Variants in FAF1 observed in about 807,000 individuals in gnomAD.
The protein encoded by FAF1 is FAS-associated factor 1.
A neutral mutation model predicts 92.5 loss-of-function variants in FAF1; 25 were observed. That is an observed-to-expected ratio of 0.27 (90% CI 0.20 to 0.38). The LOEUF (loss-of-function observed/expected upper bound fraction) is 0.38, where lower values mean the gene tolerates loss of function less well. Ranked by LOEUF, FAF1 falls within the 10% of genes least tolerant of loss-of-function variation. The pLI, the probability that FAF1 is intolerant of heterozygous loss-of-function variation, is 1.00. For missense variants in FAF1, 636 were observed against 793.3 expected, an observed-to-expected ratio of 0.80 and a Z score of 2.38; for synonymous variants, 234 against 273.2, an observed-to-expected ratio of 0.86 and a Z score of 1.42.
At chr1:50,537,502 T>C (rs1648547381) in intron 14 of FAF1, among the ~76,000 whole-genome samples, 1 of 152,204 alleles carries the variant, frequency 6.6e-6, no homozygotes, top group African/African-American at 2.4e-5. Flanking sequence ...CAAAGAACTT[T>C]TGTTTATGTG....
chr1:50,736,354 T>C (rs1283482121), intron 6 of FAF1, among the ~76,000 whole-genome samples: 3 of 152,264 alleles, frequency 2.0e-5, no homozygotes, highest in Non-Finnish European at 4.4e-5. Context: ...TGATTCATTA[T>C]GAAGTCTAGT....
chr1:50,563,729 C>CCTG (rs1650039110), intron 13 of FAF1, among the ~76,000 whole-genome samples: 1 of 152,148 alleles, frequency 6.6e-6, no homozygotes. Flanking sequence ...CAGGAGATCA[C>CCTG]AATTTAGCAG....
intron 17 of FAF1, among the ~76,000 whole-genome samples, chr1:50,478,206 C>T (rs1646661476): frequency 6.6e-6 from 1 of 151,514 alleles, no homozygotes; most frequent in African/African-American, 2.4e-5. Flanking sequence ...CTCTGTCGCC[C>T]AGGCTGGAGT....
intron 6 of FAF1, among the ~76,000 whole-genome samples, chr1:50,738,191 C>T (rs1287611269): frequency 1.3e-5 from 2 of 152,060 alleles, no homozygotes; most frequent in African/African-American, 4.8e-5. Flanking sequence ...TGCCTGTAAT[C>T]CCAGCACTTT....
intron 1 of FAF1, among the ~76,000 whole-genome samples, chr1:50,877,579 T>C (rs1644581221): frequency 6.6e-6 from 1 of 152,114 alleles, no homozygotes; most frequent in Non-Finnish European, 1.5e-5. Flanking sequence ...AACCCTAATA[T>C]AGGTATAAAT....
At chr1:50,710,984 A>G (rs1364096912) in intron 6 of FAF1, among the ~76,000 whole-genome samples, 1 of 148,098 alleles carries the variant, frequency 6.8e-6, no homozygotes, top group Non-Finnish European at 1.5e-5. Flanking sequence ...ATCTCGGCTC[A>G]TTGCGACCTC....
chr1:50,952,148 C>A (rs1007723908), intron 1 of FAF1, among the ~76,000 whole-genome samples: 11 of 152,358 alleles, frequency 7.2e-5, no homozygotes, highest in Admixed American at 5.9e-4. Flanking sequence ...CAGTCTCCCT[C>A]TGATGCCCAG....
intron 1 of FAF1, among the ~76,000 whole-genome samples, chr1:50,885,323 C>T (rs551458685): frequency 1.4e-5 from 2 of 144,754 alleles, no homozygotes; most frequent in Admixed American, 6.9e-5. Flanking sequence ...CACACACACA[C>T]ACTCTCTCTC....
At chr1:50,618,824 C>T (rs1653058720) in intron 8 of FAF1, among the ~76,000 whole-genome samples, 2 of 151,766 alleles carry the variant, frequency 1.3e-5, no homozygotes, top group African/African-American at 2.4e-5. Context: ...TCTCAGCTCA[C>T]TGCAGCATCT....
At chr1:50,807,815 G>C (rs1240296333) in intron 2 of FAF1, among the ~76,000 whole-genome samples, 2 of 152,120 alleles carry the variant, frequency 1.3e-5, no homozygotes, top group Admixed American at 6.5e-5. Flanking sequence ...AAAAGAGAAA[G>C]CAAGAAACAT....
intron 13 of FAF1, among the ~76,000 whole-genome samples, chr1:50,545,796 A>G (rs551062308): frequency 6.6e-6 from 1 of 152,350 alleles, no homozygotes; most frequent in Non-Finnish European, 1.5e-5. Flanking sequence ...GTCTATAGAT[A>G]TATTTTCATG....
chr1:50,652,127 G>A (rs143914634), intron 8 of FAF1, among the ~76,000 whole-genome samples: 1,553 of 152,214 alleles, frequency 0.01, 106 homozygotes, highest in Admixed American at 0.095. Flanking sequence ...AGGTGCAAAT[G>A]GCAATAATGA....
intron 8 of FAF1, among the ~76,000 whole-genome samples, chr1:50,636,846 CTG>C (rs1654037276): frequency 6.6e-6 from 1 of 152,056 alleles, no homozygotes; most frequent in South Asian, 2.1e-4. Flanking sequence ...TAAGTCATCT[CTG>C]ATCTAAGATA....
intron 4 of FAF1, among the ~76,000 whole-genome samples, chr1:50,786,636 G>A (rs1661375047): frequency 6.6e-6 from 1 of 152,190 alleles, no homozygotes; most frequent in African/African-American, 2.4e-5. Flanking sequence ...TTGGGGGCAT[G>A]CAAATGGGTA....
intron 6 of FAF1, among the ~76,000 whole-genome samples, chr1:50,716,719 G>A (rs761793044): frequency 3.7e-4 from 56 of 152,026 alleles, no homozygotes; most frequent in Admixed American, 5.9e-4. Flanking sequence ...GTAAAAACAC[G>A]CCAATCAGTG....
chr1:50,533,331 C>T (rs892264590), intron 15 of FAF1, among the ~76,000 whole-genome samples: 1 of 152,164 alleles, frequency 6.6e-6, no homozygotes, highest in Non-Finnish European at 1.5e-5. Context: ...CCTTGGCCTC[C>T]CAAAGTGTTG....
chr1:50,687,071 C>T (rs537947013), intron 7 of FAF1, among the ~76,000 whole-genome samples: 7 of 152,232 alleles, frequency 4.6e-5, no homozygotes, highest in African/African-American at 1.4e-4. Context: ...TCAGGCCATC[C>T]GTCCACCTGA....
intron 1 of FAF1, among the ~76,000 whole-genome samples, chr1:50,889,983 T>C (rs1036791824): frequency 3.3e-5 from 5 of 152,208 alleles, no homozygotes; most frequent in Admixed American, 6.5e-5. Context: ...TCTCCTATTA[T>C]TATTGTGTGG....
chr1:50,439,777 G>C lies in FAF1; in HGVS notation c.*1663C>G, dbSNP rs1383115211. The stretch of plus-strand genomic sequence containing the variant: ...GTAGAGCCATTAGATTAGGAAGATA[G>C]GAATAGAGCTGGAGAGAAGTGTTCA... On this transcript the variant is annotated 3_prime_UTR_variant, in exon 19 of 19. Transcript: ENST00000396153. 1 of 152,186 alleles carries C rather than the reference G, an allele frequency of 6.6e-6. No homozygotes were observed. Among genetic ancestry groups the C allele is most frequent in the Non-Finnish European group, 1.5e-5 (1 of 68,038 alleles). 9.4% of individuals were successfully genotyped at this position (152,186 alleles called of 1,614,324 possible).
Sources: allele counts gnomAD v4.1 joint callset (sites outside exome capture counted in the v4.1 genomes callset), GRCh38; gene constraint gnomAD v4.1.1; transcripts MANE v1.5; gene names NCBI Gene and HGNC (gene_info 2026-07-23, HGNC 2026-07-21).